TLE4: variants seen among roughly 807,000 people sequenced by gnomAD.
The protein encoded by TLE4 is transducin-like enhancer protein 4.
In TLE4, 8 loss-of-function variants were observed where a neutral mutation model predicts 92.8. That is an observed-to-expected ratio of 0.09 (90% confidence interval 0.05 to 0.16). The LOEUF is 0.16. TLE4 is among the 10% of genes least tolerant of loss of function. TLE4 has a pLI of 1.00. For missense variants in TLE4, 675 were observed against 997.6 expected (o/e 0.68, Z 4.36); for synonymous variants, 371 against 374.1 (o/e 0.99, Z 0.10).
intron 6 of TLE4, chr9:79,649,921 T>G: frequency 7.6e-7 from 1 of 1,321,174 alleles, no homozygotes; most frequent in Non-Finnish European, 1.0e-6. Flanking sequence ...TTTTTGTTTT[T>G]TGTTTTTTTT....
At chr9:79,668,905 T>TA in intron 8 of TLE4, 1 of 844,746 alleles carries the variant, frequency 1.2e-6, no homozygotes, top group Non-Finnish European at 1.4e-6. Context: ...CTGCAGATGA[T>TA]AATGCTGGCA....
chr9:79,670,993 ACAG>A (rs1179979810), intron 8 of TLE4, among the ~76,000 whole-genome samples: 2 of 152,142 alleles, frequency 1.3e-5, no homozygotes, highest in African/African-American at 4.8e-5. Context: ...CACAAAACTA[ACAG>A]CAGAAAGGAG....
At chr9:79,573,603 C>A in intron 1 of TLE4, 86 bp from the exon 2 acceptor site, 2 of 1,160,458 alleles carry the variant, frequency 1.7e-6, no homozygotes, top group Non-Finnish European at 2.4e-6. Flanking sequence ...CCCTCACCCC[C>A]CGCTAACGCC....
At chr9:79,601,067 T>A (rs563799475) in intron 4 of TLE4, among the ~76,000 whole-genome samples, 63 of 152,284 alleles carry the variant, frequency 4.1e-4, no homozygotes, top group Non-Finnish European at 7.6e-4. Context: ...ATAAATAATC[T>A]CAAGAAGGAG....
At chr9:79,640,577 A>T (rs1325835683) in intron 6 of TLE4, among the ~76,000 whole-genome samples, 1 of 151,936 alleles carries the variant, frequency 6.6e-6, no homozygotes, top group East Asian at 1.9e-4. Context: ...TTATGTTCCA[A>T]ATTTCCAGGG....
At chr9:79,674,697 C>T (rs565192741) in intron 8 of TLE4, among the ~76,000 whole-genome samples, 4 of 152,110 alleles carry the variant, frequency 2.6e-5, no homozygotes, top group South Asian at 2.1e-4. Context: ...TCACGTGGGG[C>T]GGGATGTTTT....
At chr9:79,599,970 C>T (rs371522009) in intron 4 of TLE4, among the ~76,000 whole-genome samples, 4 of 152,122 alleles carry the variant, frequency 2.6e-5, no homozygotes, top group South Asian at 2.1e-4. Context: ...GCTCCATGAC[C>T]GCAGGGATTT....
chr9:79,703,482 A>G (rs188149927), intron 8 of TLE4, among the ~76,000 whole-genome samples: 1 of 152,160 alleles, frequency 6.6e-6, no homozygotes, highest in East Asian at 1.9e-4. Context: ...CACTTTTTTC[A>G]CTTCTTCATC....
intron 4 of TLE4, among the ~76,000 whole-genome samples, chr9:79,589,118 A>G (rs1000379612): frequency 8.5e-5 from 13 of 152,196 alleles, no homozygotes; most frequent in African/African-American, 2.9e-4. Flanking sequence ...CTAGAATTTC[A>G]GTAGTGCCAA....
chr9:79,595,981 G>T (rs11138300), intron 4 of TLE4, among the ~76,000 whole-genome samples: 14,861 of 151,540 alleles, frequency 0.098, 714 homozygotes, highest in East Asian at 0.14. Flanking sequence ...CAAGTAGCTG[G>T]GACTACAGGC....
intron 14 of TLE4, among the ~76,000 whole-genome samples, chr9:79,714,536 T>C (rs1303676338): frequency 6.6e-6 from 1 of 152,224 alleles, no homozygotes; most frequent in Non-Finnish European, 1.5e-5. Flanking sequence ...TTTCCATCTT[T>C]CTCTTTACTC....
At chr9:79,686,959 A>C (rs1588249535) in intron 8 of TLE4, among the ~76,000 whole-genome samples, 3 of 152,290 alleles carry the variant, frequency 2.0e-5, no homozygotes, top group African/African-American at 7.2e-5. Flanking sequence ...ACATGTTAAA[A>C]GCTTTTAAAA....
chr9:79,691,500 C>T (rs2067077979), intron 8 of TLE4, among the ~76,000 whole-genome samples: 1 of 152,122 alleles, frequency 6.6e-6, no homozygotes, highest in Non-Finnish European at 1.5e-5. Flanking sequence ...CAACAGTCCC[C>T]TTCAGTGGCC....
At chr9:79,689,734 A>G (rs983359128) in intron 8 of TLE4, among the ~76,000 whole-genome samples, 6 of 152,218 alleles carry the variant, frequency 3.9e-5, no homozygotes, top group African/African-American at 1.2e-4. Flanking sequence ...GCTCTCAGAA[A>G]GGATGAAGGT....
chr9:79,645,920 G>A lies in TLE4; in HGVS notation c.391-6673G>A, dbSNP rs1326193279. 2.6e-5 allele frequency among the ~76,000 whole-genome samples: 4 copies of A among 152,206 alleles called. No homozygotes were observed. The East Asian group carries it at 7.7e-4, about 29-fold the overall frequency. On this transcript the variant is annotated intron_variant, in intron 6 of 19. Coordinates refer to ENST00000376552, the MANE Select transcript of TLE4 (RefSeq NM_007005.6). Reference sequence around the variant, plus strand: ...GCACCCAAAGATAATAAAGGCCTAGGAAGGATAGTGAGAAGAATTTTGCCA... The same window carrying A: ...GCACCCAAAGATAATAAAGGCCTAGAAAGGATAGTGAGAAGAATTTTGCCA...
intron 1 of TLE4, chr9:79,573,162 C>T: frequency 9.2e-6 from 8 of 869,110 alleles, no homozygotes; most frequent in Non-Finnish European, 1.2e-5. Flanking sequence ...GACTCCGCGC[C>T]CGGGCGGGGA....
At chr9:79,676,821 T>G (rs1346996906) in intron 8 of TLE4, among the ~76,000 whole-genome samples, 2 of 152,192 alleles carry the variant, frequency 1.3e-5, no homozygotes, top group African/African-American at 2.4e-5. Flanking sequence ...AGCTTTATTA[T>G]TTTAAAAAAT....
chr9:79,685,487 A>G (rs1483910384), intron 8 of TLE4, among the ~76,000 whole-genome samples: 2 of 152,216 alleles, frequency 1.3e-5, no homozygotes, highest in Non-Finnish European at 2.9e-5. Context: ...TGGATTGTAT[A>G]GCTGTAATGA....
intron 1 of TLE4, 86 bp downstream of exon 1, chr9:79,572,921 C>T (rs1317207894): frequency 4.8e-5 from 69 of 1,446,100 alleles, no homozygotes; most frequent in Non-Finnish European, 6.0e-5. Flanking sequence ...TGTCTTTTGG[C>T]CGGAGGGGCG....
Sources: gnomAD v4.1 joint callset for allele counts (sites outside exome capture counted in the v4.1 genomes callset) on GRCh38, gnomAD v4.1.1 for gene constraint, MANE v1.5 for transcripts, NCBI Gene and HGNC (gene_info 2026-07-23, HGNC 2026-07-21) for gene names.